The following RALGPS2 variants were observed in gnomAD, a reference collection of about 807,000 sequenced individuals.
RALGPS2 encodes Ral GEF with PH domain and SH3 binding motif 2.
Under a neutral mutation model 86.8 loss-of-function variants are expected in RALGPS2, and 43 were observed. That is an observed-to-expected ratio of 0.50 (90% CI 0.39 to 0.64). RALGPS2 has a LOEUF of 0.64. Ranked by LOEUF, RALGPS2 falls within the 30% of genes least tolerant of loss-of-function variation. RALGPS2 has a pLI of 0.00. For missense variants in RALGPS2, 536 were observed against 694.6 expected (o/e 0.77, Z 2.57); for synonymous variants, 243 against 231.3 (o/e 1.05, Z -0.46).
chr1:178,788,202 A>T (rs1021299138), intron 4 of RALGPS2, among the ~76,000 whole-genome samples: 1 of 152,186 alleles, frequency 6.6e-6, no homozygotes, highest in African/African-American at 2.4e-5. Flanking sequence ...TTGTCTTTCT[A>T]CAGGGTCACC....
rs113152420 is a variant in RALGPS2, at chr1:178,763,120, T to G, written c.-83-13562T>G. 4.6e-3 allele frequency among the ~76,000 whole-genome samples: 702 copies of G among 152,336 alleles called. 1 individual carries two copies. Among genetic ancestry groups the G allele is most frequent in the Non-Finnish European group, 7.5e-3 (513 of 68,040 alleles). The stretch of plus-strand genomic sequence containing the variant: ...GAATAGGGAGTCTTTTCCCCATTGC[T>G]TGTTTTTGTCAGCTTTGTGAAAGAT... On this transcript the variant is annotated intron_variant, in intron 1 of 19. Coordinates refer to ENST00000367635, the MANE Select transcript of RALGPS2 (RefSeq NM_152663.5).
intron 19 of RALGPS2, among the ~76,000 whole-genome samples, chr1:178,913,285 A>T (rs1488017858): frequency 1.3e-5 from 2 of 151,164 alleles, no homozygotes; most frequent in Non-Finnish European, 3.0e-5. Context: ...CCCATCTCAA[A>T]AAAAAAAAAA....
intron 4 of RALGPS2, among the ~76,000 whole-genome samples, chr1:178,793,624 A>C (rs912045703): frequency 6.6e-6 from 1 of 152,100 alleles, no homozygotes; most frequent in Non-Finnish European, 1.5e-5. Flanking sequence ...CATTTCGAGA[A>C]TATAAATTCC....
intron 7 of RALGPS2, among the ~76,000 whole-genome samples, chr1:178,831,120 G>A (rs1170801228): frequency 6.6e-6 from 1 of 152,090 alleles, no homozygotes; most frequent in African/African-American, 2.4e-5. Context: ...AATTTGAGGG[G>A]AATGATAAAC....
At chr1:178,756,382 C>T (rs1166164942) in intron 1 of RALGPS2, among the ~76,000 whole-genome samples, 1 of 152,090 alleles carries the variant, frequency 6.6e-6, no homozygotes, top group Non-Finnish European at 1.5e-5. Flanking sequence ...ATATGGCTAG[C>T]CAGCTATCCC....
intron 17 of RALGPS2, 115 bp downstream of exon 17, chr1:178,897,871 C>A: frequency 2.8e-6 from 2 of 722,072 alleles, no homozygotes; most frequent in Non-Finnish European, 4.5e-6. Flanking sequence ...TTTTTCCTAT[C>A]TTCTAGTCCA....
intron 1 of RALGPS2, among the ~76,000 whole-genome samples, chr1:178,753,014 T>C (rs1651766116): frequency 6.6e-6 from 1 of 152,246 alleles, no homozygotes; most frequent in Non-Finnish European, 1.5e-5. Context: ...CATTGCCCTT[T>C]ATTTCTTCAG....
chr1:178,777,260 A>C (rs1572321157), intron 2 of RALGPS2, among the ~76,000 whole-genome samples: 1 of 152,108 alleles, frequency 6.6e-6, no homozygotes, highest in African/African-American at 2.4e-5. Flanking sequence ...AGACAAACAG[A>C]CAGCCAAATC....
chr1:178,757,633 A>G (rs1652020272), intron 1 of RALGPS2, among the ~76,000 whole-genome samples: 1 of 152,156 alleles, frequency 6.6e-6, no homozygotes, highest in Non-Finnish European at 1.5e-5. Flanking sequence ...GCATCACAAG[A>G]GTGAAGCTTG....
At chr1:178,816,685 T>C (rs1162993500) in intron 6 of RALGPS2, among the ~76,000 whole-genome samples, 1 of 151,910 alleles carries the variant, frequency 6.6e-6, no homozygotes, top group Non-Finnish European at 1.5e-5. Context: ...TGATCACTCC[T>C]AGAAGTATTA....
intron 16 of RALGPS2, 118 bp downstream of exon 16, chr1:178,894,142 A>G (rs1659837240): frequency 1.6e-6 from 1 of 616,002 alleles, no homozygotes; most frequent in Non-Finnish European, 2.7e-6. Flanking sequence ...TTGAAATAAT[A>G]TTAAATAAGG....
rs1188563801 is a variant in RALGPS2, at chr1:178,911,280, C to CT, written c.1722+4420dup. On this transcript the variant is annotated intron_variant, in intron 19 of 19. Coordinates refer to ENST00000367635, the MANE Select transcript of RALGPS2 (RefSeq NM_152663.5). Reference sequence around the variant, plus strand: ...ACTTCTGCTCTGATTTTGGTTATTTCTTTTTTTCTGCTAGCTTTGGGGTTG... The same window carrying CT: ...ACTTCTGCTCTGATTTTGGTTATTTCTTTTTTTTCTGCTAGCTTTGGGGTTG... Among the ~76,000 whole-genome samples, 7 of 152,016 alleles carry CT rather than the reference C, an allele frequency of 4.6e-5. No homozygotes were observed. In the East Asian group the frequency reaches 9.7e-4, roughly 21 times the overall value.
Position 178,917,131 on chromosome 1 carries a change from A to G in RALGPS2, c.*772A>G, listed in dbSNP as rs181567159. ...TTTTTTTAAATAGGTTCCAGAAAAC[A>G]TGGTTGTTTCTAACTAGGGTTAAAG... On this transcript the variant is annotated 3_prime_UTR_variant, in exon 20 of 20. Transcript: ENST00000367635. 1.3e-5 allele frequency: 2 copies of G among 152,256 alleles called. No homozygotes were observed. The highest frequency in any genetic ancestry group is 1.5e-5 in the Non-Finnish European group (1 of 68,016). 9.4% of individuals were successfully genotyped at this position (152,256 alleles called of 1,614,324 possible).
intron 1 of RALGPS2, among the ~76,000 whole-genome samples, chr1:178,730,744 C>T (rs1366775642): frequency 1.3e-5 from 2 of 151,292 alleles, no homozygotes; most frequent in African/African-American, 2.4e-5. Flanking sequence ...TCTTGTTGCC[C>T]AGGCTGGAGT....
At chr1:178,821,111 T>A (rs1241544949) in intron 6 of RALGPS2, among the ~76,000 whole-genome samples, 1 of 152,086 alleles carries the variant, frequency 6.6e-6, no homozygotes, top group African/African-American at 2.4e-5. Context: ...ATCTGGGGAT[T>A]TGGGTAGGAG....
At chr1:178,760,573 T>C (rs1653214569) in intron 1 of RALGPS2, among the ~76,000 whole-genome samples, 1 of 152,222 alleles carries the variant, frequency 6.6e-6, no homozygotes, top group Admixed American at 6.5e-5. Flanking sequence ...TGTCATTAGA[T>C]GTGAGATGGG....
At chr1:178,820,516 T>A (rs1655446556) in intron 6 of RALGPS2, among the ~76,000 whole-genome samples, 1 of 152,202 alleles carries the variant, frequency 6.6e-6, no homozygotes, top group Non-Finnish European at 1.5e-5. Context: ...CAAGTGTCAT[T>A]TCTGGAAATC....
chr1:178,747,403 T>C (rs940399720), intron 1 of RALGPS2: 12 of 1,546,340 alleles, frequency 7.8e-6, no homozygotes, highest in Non-Finnish European at 6.3e-6. Context: ...ACTTCACATC[T>C]TCTGACAAGA....
At chr1:178,774,807 GGTA>G (rs1464568043) in intron 1 of RALGPS2, among the ~76,000 whole-genome samples, 1 of 152,158 alleles carries the variant, frequency 6.6e-6, no homozygotes, top group Non-Finnish European at 1.5e-5. Context: ...GCTCTTAGCA[GGTA>G]CCTAGGCTGT....
Sources: allele counts gnomAD v4.1 joint callset (sites outside exome capture counted in the v4.1 genomes callset), GRCh38; gene constraint gnomAD v4.1.1; transcripts MANE v1.5; gene names NCBI Gene and HGNC (gene_info 2026-07-23, HGNC 2026-07-21).